The following SLC7A10 variants were observed in gnomAD, a reference collection of about 807,000 sequenced individuals.
SLC7A10 encodes the protein solute carrier family 7 member 10.
A neutral mutation model predicts 52.7 loss-of-function variants in SLC7A10; 30 were observed. The observed-to-expected ratio is 0.57, with a 90% CI of 0.43 to 0.77. SLC7A10 has a LOEUF of 0.77. Ranked by LOEUF, SLC7A10 falls within the 30% of genes least tolerant of loss-of-function variation. The probability of loss-of-function intolerance (pLI) is 0.00; values close to 1 mark genes in which losing one functional copy is unlikely to be tolerated. For synonymous variants in SLC7A10, 318 were observed against 314.9 expected, an observed-to-expected ratio of 1.01 and a Z score of -0.10; for missense variants, 581 against 698.5, an observed-to-expected ratio of 0.83 and a Z score of 1.90.
chr19:33,219,513 C>A (rs79871344), intron 1 of SLC7A10, among the ~76,000 whole-genome samples: 1 of 152,188 alleles, frequency 6.6e-6, no homozygotes, highest in Non-Finnish European at 1.5e-5. Flanking sequence ...GACACTGGCA[C>A]CAGTCCTCAT....
In SLC7A10 at chr19:33,222,558, A is replaced by G. The variant is rs1241181261; in HGVS notation, c.151+2995T>C. 3.3e-5 allele frequency among the ~76,000 whole-genome samples: 5 copies of G among 152,262 alleles called. No individual in the cohort carries two copies. The East Asian group carries it at 9.6e-4, about 29-fold the overall frequency. ...TCCAAATCCTGAGCCTACCCCTTGGAGCAGTATCATTTCACTTCCAACCTT... is the reference window on the plus strand; with the variant it reads ...TCCAAATCCTGAGCCTACCCCTTGGGGCAGTATCATTTCACTTCCAACCTT... On this transcript the variant is annotated intron_variant, in intron 1 of 10. Transcript: ENST00000253188.
chr19:33,223,513 C>T (rs1974858050), intron 1 of SLC7A10, among the ~76,000 whole-genome samples: 1 of 151,850 alleles, frequency 6.6e-6, no homozygotes, highest in Non-Finnish European at 1.5e-5. Flanking sequence ...CTTAGTACAT[C>T]AGGTGGGGAA....
At position 33,225,614 on chromosome 19, in the gene SLC7A10, G is replaced by A. The variant is rs759154657; in HGVS notation, c.90C>T (p.Ala30=). The A allele has an allele frequency of 3.1e-6, 5 of 1,593,856 alleles. No homozygotes were observed. Among genetic ancestry groups the A allele is most frequent in the Non-Finnish European group, 3.4e-6 (4 of 1,178,462 alleles). The change falls in exon 1 of 11, where the codon GCC becomes GCT. Residue 30 remains alanine (A), a synonymous_variant. Transcript: ENST00000253188. ...CCTTCTTGAGCGCCACCCGCTCCGAGGCGCCGGGGACGGTCCCTGGGACTG... is the reference window on the plus strand; with the variant it reads ...CCTTCTTGAGCGCCACCCGCTCCGAAGCGCCGGGGACGGTCCCTGGGACTG... ...PSPVPGTVPG[A]SERVALKKEI...
intron 2 of SLC7A10, among the ~76,000 whole-genome samples, chr19:33,214,435 T>C (rs2145479166): frequency 6.6e-6 from 1 of 152,306 alleles, no homozygotes; most frequent in East Asian, 1.9e-4. Flanking sequence ...CCCTATCCTC[T>C]CGAATCAGGC....
Position 33,225,606 on chromosome 19 carries a change from C to T in SLC7A10, c.98G>A (p.Arg33Gln), listed in dbSNP as rs761114897. 1 of 1,594,562 alleles carries T rather than the reference C, an allele frequency of 6.3e-7. No homozygotes were observed. Among genetic ancestry groups the T allele is most frequent in the Non-Finnish European group, 8.5e-7 (1 of 1,178,716 alleles). ...VPGTVPGASE[R>Q]VALKKEIGLL... ...CCCGATCTCCTTCTTGAGCGCCACC[C>T]GCTCCGAGGCGCCGGGGACGGTCCC... The change falls in exon 1 of 11, where the codon CGG becomes CAG. Residue 33 changes from arginine to glutamine, a missense_variant. Coordinates refer to ENST00000253188, the MANE Select transcript of SLC7A10 (RefSeq NM_019849.3).
At position 33,213,009 on chromosome 19, in the gene SLC7A10, G is replaced by A. The variant is rs970178674; in HGVS notation, c.357-7C>T. On this transcript the variant is annotated splice_polypyrimidine_tract_variant and splice_region_variant and intron_variant, in intron 2 of 10. Coordinates refer to ENST00000253188, the MANE Select transcript of SLC7A10 (RefSeq NM_019849.3). ...GCTCCAGAGCAGCAGAAAGCTGGAA[G>A]GAGCAGGGGCGGGAGTGGCTCAAGC... 2 of 1,595,812 alleles carry A rather than the reference G, an allele frequency of 1.3e-6. No homozygotes were observed. The highest frequency in any genetic ancestry group is 2.3e-5 in the East Asian group (1 of 44,058).
rs1311059776 is a variant in SLC7A10, at chr19:33,210,145, G to C, written c.1263+322C>G. 1.3e-5 allele frequency among the ~76,000 whole-genome samples: 2 copies of C among 151,946 alleles called. No homozygotes were observed. Among genetic ancestry groups the C allele is most frequent in the African/African-American group, 4.8e-5 (2 of 41,366 alleles). ...TAACTTTTTGCAGAGAGGAAGTCTC[G>C]TTATGTTGCCCAGGCTGGTCTCAAA... On this transcript the variant is annotated intron_variant, in intron 9 of 10. Transcript: ENST00000253188. The surrounding 1 kb of genome is among the most constrained non-coding windows in gnomAD (Gnocchi z 5.6).
At position 33,225,568 on chromosome 19, in the gene SLC7A10, A is replaced by G. The variant is rs749520934; in HGVS notation, c.136T>C (p.Cys46Arg). 7 of 1,596,440 alleles carry G rather than the reference A, an allele frequency of 4.4e-6. No individual in the cohort carries two copies. The highest frequency in any genetic ancestry group is 5.9e-6 in the Non-Finnish European group (7 of 1,179,312). The part of the protein sequence containing the change: ...LKKEIGLLSA[C>R]TIIIGNIIGS... ...TCCCGCTCACCGATGATGATGGTGCAGGCGCTCAGCAGCCCGATCTCCTTC... is the reference window on the plus strand; with the variant it reads ...TCCCGCTCACCGATGATGATGGTGCGGGCGCTCAGCAGCCCGATCTCCTTC... The change falls in exon 1 of 11, where the codon TGC becomes CGC. Residue 46 changes from cysteine to arginine, a missense_variant. Transcript: ENST00000253188.
Position 33,217,233 on chromosome 19 carries a change from G to A in SLC7A10, c.152-1260C>T, listed in dbSNP as rs1195201785. Among the ~76,000 whole-genome samples the A allele has an allele frequency of 4.0e-5, 6 of 150,950 alleles. No individual in the cohort carries two copies. The East Asian group carries it at 9.9e-4, about 25-fold the overall frequency. On this transcript the variant is annotated intron_variant, in intron 1 of 10. Coordinates refer to ENST00000253188, the MANE Select transcript of SLC7A10 (RefSeq NM_019849.3). The stretch of plus-strand genomic sequence containing the variant: ...CCACTATGTTGCTGAGGCTGGTCTC[G>A]AACTCCTGGGCTCAATTGACCACCC...
chr19:33,224,216 A>C (rs773190498), intron 1 of SLC7A10, among the ~76,000 whole-genome samples: 1 of 151,928 alleles, frequency 6.6e-6, no homozygotes, highest in Admixed American at 6.6e-5. Flanking sequence ...TCCCTGGAGG[A>C]CAGTTCCTGG....
chr19:33,223,951 A>ACCACCG (rs1186161458), intron 1 of SLC7A10, among the ~76,000 whole-genome samples: 3 of 148,562 alleles, frequency 2.0e-5, no homozygotes, highest in South Asian at 2.1e-4. Flanking sequence ...CATCACCACC[A>ACCACCG]CCACCACCAC....
intron 2 of SLC7A10, 130 bp downstream of exon 2, chr19:33,215,618 TTCTCTCCATCCACCCCCCACA>T: frequency 9.4e-6 from 2 of 212,664 alleles, no homozygotes; most frequent in African/African-American, 4.4e-5. Flanking sequence ...CCCCCACACC[TTCTCTCCATCCACCCCCCACA>T]CCTTCTCTCC....
intron 1 of SLC7A10, among the ~76,000 whole-genome samples, chr19:33,223,770 G>A (rs1568397094): frequency 6.6e-6 from 1 of 152,150 alleles, no homozygotes; most frequent in Non-Finnish European, 1.5e-5. Context: ...CTGGCTCAGT[G>A]TTCAAGGTTT....
chr19:33,211,471 A>C lies in SLC7A10; in HGVS notation c.855T>G (p.Ile285Met). ...LVTFVYTFTN[I>M]AYFTAMSPQE... The stretch of plus-strand genomic sequence containing the variant: ...GGGGGGACATGGCCGTGAAGTAGGC[A>C]ATGTTGGTGAACGTGTACACGAAGG... The change falls in exon 6 of 11, where the codon ATT becomes ATG. Residue 285 changes from isoleucine to methionine, a missense_variant. Coordinates refer to ENST00000253188, the MANE Select transcript of SLC7A10 (RefSeq NM_019849.3). 6.2e-7 allele frequency: 1 copy of C among 1,614,002 alleles called. No individual in the cohort carries two copies. The highest frequency in any genetic ancestry group is 8.5e-7 in the Non-Finnish European group (1 of 1,179,990).
At chr19:33,221,605 T>C (rs1974812963) in intron 1 of SLC7A10, among the ~76,000 whole-genome samples, 1 of 152,122 alleles carries the variant, frequency 6.6e-6, no homozygotes. Flanking sequence ...GAGGAGGGGC[T>C]GGGGTTCTGC....
chr19:33,218,767 C>T (rs189262140), intron 1 of SLC7A10, among the ~76,000 whole-genome samples: 5 of 148,916 alleles, frequency 3.4e-5, no homozygotes, highest in African/African-American at 1.2e-4. Flanking sequence ...ATCCACCCAC[C>T]TCAGCCTCCC....
At chr19:33,224,754 G>A (rs1974886530) in intron 1 of SLC7A10, among the ~76,000 whole-genome samples, 1 of 152,204 alleles carries the variant, frequency 6.6e-6, no homozygotes, top group Non-Finnish European at 1.5e-5. Flanking sequence ...AAATACCACT[G>A]CCATTCCCAT....
At chr19:33,211,352 C>T (rs1199453322) in intron 6 of SLC7A10, 24 bp from the exon 7 acceptor site, 4 of 1,613,684 alleles carry the variant, frequency 2.5e-6, no homozygotes, top group South Asian at 1.1e-5. Flanking sequence ...GTAGAGAGGC[C>T]ATGTGTAAGG....
chr19:33,221,347 C>G (rs1020012624), intron 1 of SLC7A10, among the ~76,000 whole-genome samples: 9 of 152,174 alleles, frequency 5.9e-5, no homozygotes, highest in African/African-American at 1.7e-4. Context: ...CTTGACCCCC[C>G]CATGGTGTCT....
Sources: allele counts gnomAD v4.1 joint callset (sites outside exome capture counted in the v4.1 genomes callset), GRCh38; gene constraint gnomAD v4.1.1; non-coding constraint Gnocchi (gnomAD v3.1); transcripts MANE v1.5; gene names NCBI Gene and HGNC (gene_info 2026-07-23, HGNC 2026-07-21).